GLMN: variants seen among roughly 807,000 people sequenced by gnomAD.
The protein encoded by GLMN is glomulin.
In GLMN, 75 loss-of-function variants were observed where a neutral mutation model predicts 87.8. The ratio of observed to expected loss-of-function variants is 0.85; its 90% CI spans 0.71 to 1.04. The LOEUF is 1.04. Among genes scored for constraint, GLMN ranks in the 50% least tolerant of loss-of-function variants. The probability of loss-of-function intolerance (pLI) is 0.00; values close to 1 mark genes in which losing one functional copy is unlikely to be tolerated. For missense variants in GLMN, 588 were observed against 658.8 expected (o/e 0.89, Z 1.18); for synonymous variants, 206 against 221.6 (o/e 0.93, Z 0.63).
chr1:92,267,790 C>T lies in GLMN; in HGVS notation c.1098+123G>A, dbSNP rs1412518989. On this transcript the variant is annotated intron_variant, in intron 11 of 18. Coordinates refer to ENST00000370360, the MANE Select transcript of GLMN (RefSeq NM_053274.3). ...ATATTGTCAAAGTTCTACTGGACAGCATTACACCAGAGTTTTCAAAGGTTG... is the reference window on the plus strand; with the variant it reads ...ATATTGTCAAAGTTCTACTGGACAGTATTACACCAGAGTTTTCAAAGGTTG... 3 of 706,868 alleles carry T rather than the reference C, an allele frequency of 4.2e-6. No homozygotes were observed. In the African/African-American group the frequency reaches 5.3e-5, roughly 13 times the overall value. The allele number at this position is 706,868 out of a possible 1,614,324, so 43.8% of individuals were successfully genotyped here.
chr1:92,295,945 G>GA, intron 3 of GLMN, among the ~76,000 whole-genome samples: 1 of 151,960 alleles, frequency 6.6e-6, no homozygotes, highest in East Asian at 1.9e-4. Context: ...AACGCAATTA[G>GA]AAAAAAATCA....
the GLMN span, among the ~76,000 whole-genome samples, chr1:92,336,994 C>CA: frequency 6.6e-5 from 10 of 152,182 alleles, no homozygotes; most frequent in East Asian, 1.9e-4. Flanking sequence ...TAAAAATACT[C>CA]ACTCAGGCTA....
At chr1:92,338,760 T>TG in the GLMN span, among the ~76,000 whole-genome samples, 2 of 151,432 alleles carry the variant, frequency 1.3e-5, no homozygotes, top group South Asian at 4.2e-4. Flanking sequence ...AGCCGCAGCC[T>TG]GGCTAATTTT....
chr1:92,293,574 G>A (rs975501187), intron 3 of GLMN, among the ~76,000 whole-genome samples: 1 of 151,918 alleles, frequency 6.6e-6, no homozygotes, highest in African/African-American at 2.4e-5. Flanking sequence ...CAAAAATAGA[G>A]CTACCATATG....
the GLMN span, among the ~76,000 whole-genome samples, chr1:92,355,327 A>G: frequency 2.0e-5 from 3 of 152,080 alleles, no homozygotes; most frequent in African/African-American, 7.2e-5. Flanking sequence ...TTCATTGACT[A>G]TTGTTGGCAG....
the GLMN span, among the ~76,000 whole-genome samples, chr1:92,314,400 A>T: frequency 0.013 from 1,887 of 148,354 alleles, 36 homozygotes; most frequent in African/African-American, 0.044. Flanking sequence ...TCTAAGTTGC[A>T]TACATTTTTA....
the GLMN span, among the ~76,000 whole-genome samples, chr1:92,308,995 G>C: frequency 6.6e-6 from 1 of 151,944 alleles, no homozygotes; most frequent in Non-Finnish European, 1.5e-5. Flanking sequence ...AAGTAAAACA[G>C]GTCTTCCTGT....
intron 7 of GLMN, among the ~76,000 whole-genome samples, chr1:92,273,276 A>G (rs1362151386): frequency 6.6e-6 from 1 of 152,200 alleles, no homozygotes; most frequent in South Asian, 2.1e-4. Flanking sequence ...CAGCGACCAG[A>G]TGCTAAATAT....
intron 7 of GLMN, among the ~76,000 whole-genome samples, chr1:92,275,112 T>C (rs924076533): frequency 6.6e-6 from 1 of 152,222 alleles, no homozygotes; most frequent in African/African-American, 2.4e-5. Flanking sequence ...CACCATTGAG[T>C]GCTCAGTACT....
intron 16 of GLMN, among the ~76,000 whole-genome samples, chr1:92,257,283 C>T (rs1002066448): frequency 7.9e-5 from 12 of 152,030 alleles, no homozygotes; most frequent in African/African-American, 2.2e-4. Context: ...CCATGCTCAT[C>T]GGTAGGAAGA....
chr1:92,285,372 C>T (rs1213130765), intron 7 of GLMN, among the ~76,000 whole-genome samples: 1 of 152,074 alleles, frequency 6.6e-6, no homozygotes. Flanking sequence ...GAACAGAAAA[C>T]CAAACACCGC....
chr1:92,289,873 G>A (rs903609090), intron 5 of GLMN, among the ~76,000 whole-genome samples: 1 of 152,108 alleles, frequency 6.6e-6, no homozygotes, highest in African/African-American at 2.4e-5. Flanking sequence ...ACACCACAGA[G>A]GTAACCCTTG....
chr1:92,348,769 A>AC, the GLMN span, among the ~76,000 whole-genome samples: 1 of 152,200 alleles, frequency 6.6e-6, no homozygotes, highest in African/African-American at 2.4e-5. Context: ...CATCATGTTA[A>AC]AACTCCATTG....
chr1:92,263,293 T>C (rs1413295714), intron 15 of GLMN, among the ~76,000 whole-genome samples: 1 of 151,988 alleles, frequency 6.6e-6, no homozygotes, highest in African/African-American at 2.4e-5. Context: ...TGGAAAACAA[T>C]AAAACAACAA....
chr1:92,304,916 A>T, the GLMN span, among the ~76,000 whole-genome samples: 1 of 152,094 alleles, frequency 6.6e-6, no homozygotes, highest in Non-Finnish European at 1.5e-5. Flanking sequence ...GGGGCGGATT[A>T]CCTGAGCTCA....
chr1:92,305,168 C>T, the GLMN span, among the ~76,000 whole-genome samples: 21 of 151,754 alleles, frequency 1.4e-4, no homozygotes, highest in African/African-American at 4.8e-4. Flanking sequence ...CGCCCTGGCT[C>T]AAGCCTGTAA....
At chr1:92,265,150 T>C (rs1655471216) in intron 13 of GLMN, among the ~76,000 whole-genome samples, 1 of 152,178 alleles carries the variant, frequency 6.6e-6, no homozygotes, top group African/African-American at 2.4e-5. Context: ...CGGTAAATAC[T>C]TATTTATAAC....
rs529894767 is a variant in GLMN, at chr1:92,295,448, T to C, written c.165+1956A>G. ...TGAGCTCAAAACCTTATTTTCCAAT[T>C]GACTGCTGTACTTAAACTCAAAATT... On this transcript the variant is annotated intron_variant, in intron 3 of 18. Transcript: ENST00000370360. 4.6e-5 allele frequency among the ~76,000 whole-genome samples: 7 copies of C among 152,350 alleles called. No homozygotes were observed. The South Asian group carries it at 1.2e-3, about 27-fold the overall frequency.
At chr1:92,328,243 A>C in the GLMN span, among the ~76,000 whole-genome samples, 3 of 152,294 alleles carry the variant, frequency 2.0e-5, no homozygotes, top group South Asian at 6.2e-4. Context: ...ATTCCCTCAA[A>C]TATGTTTTCC....
Sources: allele counts gnomAD v4.1 joint callset (sites outside exome capture counted in the v4.1 genomes callset), GRCh38; gene constraint gnomAD v4.1.1; transcripts MANE v1.5; gene names NCBI Gene and HGNC (gene_info 2026-07-23, HGNC 2026-07-21).